CPLANE1: variants seen among roughly 807,000 people sequenced by gnomAD.
The protein encoded by CPLANE1 is ciliogenesis and planar polarity effector complex subunit 1.
Under a neutral mutation model 362.5 loss-of-function variants are expected in CPLANE1, and 263 were observed. The ratio of observed to expected loss-of-function variants is 0.73; its 90% CI spans 0.66 to 0.80. The LOEUF is 0.80. Ranked by LOEUF, CPLANE1 falls within the 30% of genes least tolerant of loss-of-function variation. The pLI, the probability that CPLANE1 is intolerant of heterozygous loss-of-function variation, is 0.00. For missense variants in CPLANE1, 3,461 were observed against 3,793.4 expected (o/e 0.91, Z 2.30); for synonymous variants, 1,212 against 1,302.6 (o/e 0.93, Z 1.50).
At chr5:37,088,195 C>A in the CPLANE1 span, among the ~76,000 whole-genome samples, 1 of 152,162 alleles carries the variant, frequency 6.6e-6, no homozygotes, top group Non-Finnish European at 1.5e-5. Flanking sequence ...AATCGGTTAA[C>A]CCAGGCAATT....
intron 30 of CPLANE1, 73 bp from the exon 31 acceptor site, chr5:37,176,059 G>A (rs1288733089): frequency 1.0e-6 from 1 of 967,554 alleles, no homozygotes; most frequent in Non-Finnish European, 1.7e-6. Context: ...AGTGATCTAT[G>A]CTCAGCCATC....
intron 41 of CPLANE1, among the ~76,000 whole-genome samples, chr5:37,154,231 C>A (rs570233364): frequency 6.6e-6 from 1 of 152,170 alleles, no homozygotes; most frequent in South Asian, 2.1e-4. Flanking sequence ...TCATCCCTTG[C>A]TACAAACATA....
intron 29 of CPLANE1, among the ~76,000 whole-genome samples, chr5:37,177,960 T>C (rs1407783138): frequency 6.6e-6 from 1 of 152,184 alleles, no homozygotes; most frequent in African/African-American, 2.4e-5. Flanking sequence ...ACTAACACAC[T>C]GTAAATTATA....
intron 48 of CPLANE1, 55 bp downstream of exon 48, chr5:37,122,375 T>A: frequency 7.4e-7 from 1 of 1,350,672 alleles, no homozygotes; most frequent in Non-Finnish European, 1.1e-6. Context: ...CATTAATCTA[T>A]GCCTCAGCTA....
Position 37,238,848 on chromosome 5 carries a change from A to G in CPLANE1, c.938+9T>C. On this transcript the variant is annotated intron_variant, in intron 8 of 52. Transcript: ENST00000651892. ...AAAAGAAAAAAAAGACAGACAAAAG[A>G]GTTCTTACCTAATAAGTGTAGCTGG... 1 of 1,429,680 alleles carries G rather than the reference A, an allele frequency of 7.0e-7. No homozygotes were observed. The highest frequency in any genetic ancestry group is 9.4e-7 in the Non-Finnish European group (1 of 1,065,390). The allele number at this position is 1,429,680 out of a possible 1,614,324, so 88.6% of individuals were successfully genotyped here.
chr5:37,150,285 C>T (rs1773120066), intron 42 of CPLANE1, among the ~76,000 whole-genome samples: 1 of 152,168 alleles, frequency 6.6e-6, no homozygotes, highest in Non-Finnish European at 1.5e-5. Context: ...CCTTACAAGG[C>T]AGTGTTTCCA....
intron 20 of CPLANE1, among the ~76,000 whole-genome samples, chr5:37,196,509 G>A (rs2151377719): frequency 6.6e-6 from 1 of 152,280 alleles, no homozygotes; most frequent in South Asian, 2.1e-4. Flanking sequence ...GGTTGACGGG[G>A]ATACTTGATA....
chr5:37,133,109 C>A (rs1011091486), intron 46 of CPLANE1, among the ~76,000 whole-genome samples: 2 of 152,052 alleles, frequency 1.3e-5, no homozygotes, highest in African/African-American at 4.8e-5. Flanking sequence ...TTTCTGAGTT[C>A]TCTATTCTGT....
chr5:37,124,897 C>T, intron 47 of CPLANE1: 1 of 1,042,300 alleles, frequency 9.6e-7, no homozygotes. Context: ...CTTTAATACA[C>T]ATAGTTGGTT....
Position 37,167,071 on chromosome 5 carries a change from C to G in CPLANE1, c.7376G>C (p.Arg2459Thr). Residue 2459 changes from arginine to threonine, a missense_variant, in exon 35 of 53, where the codon AGA becomes ACA. Physicochemically the swap from Arg to Thr is moderately conservative, Grantham distance 71 (BLOSUM62 -1). Coordinates refer to ENST00000651892, the MANE Select transcript of CPLANE1 (RefSeq NM_001384732.1). Reference sequence around the variant, plus strand: ...CCTTTTTTTACTGTCCTTTCCTTGTCTTACTTCAGGTGGTTCTATTTTGAC... The same window carrying G: ...CCTTTTTTTACTGTCCTTTCCTTGTGTTACTTCAGGTGGTTCTATTTTGAC... ...LKVKIEPPEV[R>T]QGKDSKKRQR... The G allele has an allele frequency of 1.2e-6, 2 of 1,611,372 alleles. No homozygotes were observed. The highest frequency in any genetic ancestry group is 2.2e-5 in the South Asian group (2 of 90,000).
In CPLANE1 at chr5:37,209,571, T is replaced by C. The variant is rs1791992664; in HGVS notation, c.2921-3146A>G. 7.4e-7 allele frequency: 1 copy of C among 1,359,082 alleles called. No homozygotes were observed. The highest frequency in any genetic ancestry group is 1.1e-6 in the Non-Finnish European group (1 of 949,096). 84.2% of individuals were successfully genotyped at this position (1,359,082 alleles called of 1,614,324 possible). ...CATTTCAGTGCAAGGGAGCTCCCTCTTAATAAGTGCCTCTAACTCTTTAGT... is the reference window on the plus strand; with the variant it reads ...CATTTCAGTGCAAGGGAGCTCCCTCCTAATAAGTGCCTCTAACTCTTTAGT... On this transcript the variant is annotated intron_variant, in intron 16 of 52. Coordinates refer to ENST00000651892, the MANE Select transcript of CPLANE1 (RefSeq NM_001384732.1). The surrounding 1 kb of genome is among the most constrained non-coding windows in gnomAD (Gnocchi z 4.6).
chr5:37,105,709 A>G (rs2149829900), downstream of CPLANE1, among the ~76,000 whole-genome samples: 1 of 152,330 alleles, frequency 6.6e-6, no homozygotes, highest in South Asian at 2.1e-4. Context: ...AAAGAAAACC[A>G]TCAACAAAGT....
chr5:37,152,986 TAGA>T (rs1398694516), intron 42 of CPLANE1, among the ~76,000 whole-genome samples: 2 of 152,252 alleles, frequency 1.3e-5, no homozygotes, highest in East Asian at 3.9e-4. Flanking sequence ...AAACTCCAAA[TAGA>T]AGGACAATAA....
At chr5:37,163,346 A>G (rs1777377946) in intron 37 of CPLANE1, among the ~76,000 whole-genome samples, 1 of 152,208 alleles carries the variant, frequency 6.6e-6, no homozygotes, top group Non-Finnish European at 1.5e-5. Context: ...GCTGATATCA[A>G]CACAAATGGA....
At chr5:37,187,603 T>C (rs755367809) in intron 22 of CPLANE1, 31 bp from the exon 23 acceptor site, 6 of 1,590,042 alleles carry the variant, frequency 3.8e-6, no homozygotes, top group Non-Finnish European at 5.1e-6. Flanking sequence ...ATTCATTTCC[T>C]TTTTAGTTTA....
Position 37,173,904 on chromosome 5 carries a change from G to A in CPLANE1, c.6022C>T (p.Leu2008Phe). Residue 2008 changes from leucine to phenylalanine, a missense_variant, in exon 32 of 53, where the codon CTT becomes TTT. Leu to Phe is a conservative substitution (Grantham distance 22, BLOSUM62 0). Transcript: ENST00000651892. Reference sequence around the variant, plus strand: ...ACATTGACTCCATTTGATATCAGAAGTGGAACTGAGGAAGATTTTTCTTTA... The same window carrying A: ...ACATTGACTCCATTTGATATCAGAAATGGAACTGAGGAAGATTTTTCTTTA... ...TYKEKSSSVP[L>F]LISNGVNVAS... 4 of 1,614,144 alleles carry A rather than the reference G, an allele frequency of 2.5e-6. No homozygotes were observed. The highest frequency in any genetic ancestry group is 3.4e-6 in the Non-Finnish European group (4 of 1,180,010).
intron 16 of CPLANE1, among the ~76,000 whole-genome samples, 159 bp downstream of exon 16, chr5:37,213,400 T>C (rs1427401178): frequency 2.0e-5 from 3 of 152,246 alleles, no homozygotes. Flanking sequence ...CCATTACTTT[T>C]CTCAGATTCT....
At chr5:37,231,876 A>G (rs866590302) in intron 8 of CPLANE1, among the ~76,000 whole-genome samples, 2 of 152,172 alleles carry the variant, frequency 1.3e-5, no homozygotes, top group Non-Finnish European at 2.9e-5. Context: ...GACAAACAGT[A>G]GGTCCTCCTC....
chr5:37,153,679 A>G, intron 42 of CPLANE1, 61 bp downstream of exon 42: 2 of 1,515,024 alleles, frequency 1.3e-6, no homozygotes, highest in Non-Finnish European at 1.8e-6. Flanking sequence ...CCAAAGTTAT[A>G]TCACACTACA....
Sources: allele counts gnomAD v4.1 joint callset (sites outside exome capture counted in the v4.1 genomes callset), GRCh38; gene constraint gnomAD v4.1.1; non-coding constraint Gnocchi (gnomAD v3.1); transcripts MANE v1.5; gene names NCBI Gene and HGNC (gene_info 2026-07-23, HGNC 2026-07-21).